The following SLCO4C1 variants were observed in gnomAD, a reference collection of about 807,000 sequenced individuals.
The protein encoded by SLCO4C1 is organic anion transporter M1.
In SLCO4C1, 58 loss-of-function variants were observed where a neutral mutation model predicts 72.1. The ratio of observed to expected loss-of-function variants is 0.80; its 90% CI spans 0.65 to 1.00. The LOEUF is 1.00. Among genes scored for constraint, SLCO4C1 ranks in the 50% least tolerant of loss-of-function variants. The pLI is 0.00. For synonymous variants in SLCO4C1, 297 were observed against 312.5 expected (o/e 0.95, Z 0.52); for missense variants, 898 against 857.9 (o/e 1.05, Z -0.58).
chr5:102,279,656 G>A (rs951616299), intron 2 of SLCO4C1, among the ~76,000 whole-genome samples: 1 of 151,792 alleles, frequency 6.6e-6, no homozygotes, highest in African/African-American at 2.4e-5. Flanking sequence ...TATGAATATA[G>A]ACACAAAAAT....
chr5:102,237,206 G>T lies in SLCO4C1; in HGVS notation c.2015-188C>A, dbSNP rs559807328. ...CATTTGTATACAATTCAAGTCACTA[G>T]TACTTATTTTCTTTCTAAGCTGTAA... On this transcript the variant is annotated intron_variant, in intron 12 of 12. Coordinates refer to ENST00000310954, the MANE Select transcript of SLCO4C1 (RefSeq NM_180991.5). 3.9e-5 allele frequency among the ~76,000 whole-genome samples: 6 copies of T among 152,222 alleles called. 1 individual carries two copies. In the South Asian group the frequency reaches 1.2e-3, roughly 32 times the overall value.
At chr5:102,264,683 C>T (rs1349380009) in intron 3 of SLCO4C1, among the ~76,000 whole-genome samples, 3 of 151,278 alleles carry the variant, frequency 2.0e-5, no homozygotes, top group Non-Finnish European at 4.4e-5. Flanking sequence ...TAATGGTTAA[C>T]TATATTCAAT....
At position 102,283,717 on chromosome 5, in the gene SLCO4C1, A is replaced by G. The variant is rs114280304; in HGVS notation, c.619+7626T>C. Among the ~76,000 whole-genome samples the G allele has an allele frequency of 1.8e-3, 267 of 152,160 alleles. 2 individuals carry two copies. The highest frequency in any genetic ancestry group is 6.1e-3 in the African/African-American group (252 of 41,554). The stretch of plus-strand genomic sequence containing the variant: ...TTCATTTTATATATTAAGATTTTTA[A>G]AAGTCCATGAAAAGAGAATTGCTAA... On this transcript the variant is annotated intron_variant, in intron 2 of 12. Coordinates refer to ENST00000310954, the MANE Select transcript of SLCO4C1 (RefSeq NM_180991.5).
chr5:102,252,719 T>G (rs1748764287), intron 8 of SLCO4C1, among the ~76,000 whole-genome samples: 1 of 152,194 alleles, frequency 6.6e-6, no homozygotes, highest in African/African-American at 2.4e-5. Context: ...ATAGCTTATA[T>G]TCCTTAATAT....
At chr5:102,239,683 G>C (rs6596425) in intron 11 of SLCO4C1, among the ~76,000 whole-genome samples, 38,220 of 151,688 alleles carry the variant, frequency 0.25, 5,551 homozygotes, top group African/African-American at 0.41. Context: ...CTAATATAAT[G>C]AATAAATATG....
intron 11 of SLCO4C1, among the ~76,000 whole-genome samples, chr5:102,239,890 T>C (rs920696431): frequency 1.3e-5 from 2 of 152,016 alleles, no homozygotes; most frequent in Non-Finnish European, 2.9e-5. Context: ...GGAATATCAC[T>C]ATCTTATATA....
intron 10 of SLCO4C1, 42 bp downstream of exon 10, chr5:102,247,210 A>T (rs777459544): frequency 7.2e-7 from 1 of 1,397,752 alleles, no homozygotes. Context: ...TTCCATCAAC[A>T]TGTTGCCTTA....
chr5:102,288,325 C>T lies in SLCO4C1; in HGVS notation c.619+3018G>A, dbSNP rs1381914063. ...CTAGTCTTCCACCTTCTAGTAAAAA[C>T]GGCCCCAGCTGATCAAGCCAAATAC... On this transcript the variant is annotated intron_variant, in intron 2 of 12. Transcript: ENST00000310954. Among the ~76,000 whole-genome samples the T allele has an allele frequency of 2.0e-5, 3 of 152,274 alleles. No individual in the cohort carries two copies. In the East Asian group the frequency reaches 5.8e-4, roughly 29 times the overall value.
intron 2 of SLCO4C1, among the ~76,000 whole-genome samples, chr5:102,280,410 C>T (rs987551443): frequency 2.6e-5 from 4 of 151,416 alleles, no homozygotes; most frequent in African/African-American, 9.7e-5. Context: ...AATATATATA[C>T]ATAACTTGCA....
intron 8 of SLCO4C1, among the ~76,000 whole-genome samples, chr5:102,252,254 C>T (rs432190): frequency 0.75 from 114,338 of 151,984 alleles, 43,070 homozygotes; most frequent in Middle Eastern, 0.84. Flanking sequence ...TAGAAGATAA[C>T]CGACACTGTG....
intron 8 of SLCO4C1, among the ~76,000 whole-genome samples, chr5:102,251,042 G>A (rs912665658): frequency 2.6e-5 from 4 of 152,016 alleles, no homozygotes; most frequent in Admixed American, 2.0e-4. Context: ...GTCAAATGGG[G>A]AAGGGGAAAC....
intron 2 of SLCO4C1, among the ~76,000 whole-genome samples, chr5:102,288,632 T>C (rs709369): frequency 0.49 from 74,447 of 152,022 alleles, 19,470 homozygotes; most frequent in African/African-American, 0.67. Flanking sequence ...CTCCCTAGTG[T>C]CTACCTGCCT....
intron 3 of SLCO4C1, among the ~76,000 whole-genome samples, chr5:102,265,794 A>G (rs1749026878): frequency 1.3e-5 from 2 of 152,042 alleles, no homozygotes; most frequent in South Asian, 2.1e-4. Context: ...GCTATTTGGC[A>G]TCTTTTCTAG....
At chr5:102,265,460 T>C (rs1749019645) in intron 3 of SLCO4C1, among the ~76,000 whole-genome samples, 1 of 152,188 alleles carries the variant, frequency 6.6e-6, no homozygotes, top group Non-Finnish European at 1.5e-5. Flanking sequence ...GAGTCTTACA[T>C]TTAAGTCTCT....
chr5:102,269,445 C>T (rs1749107899), intron 3 of SLCO4C1, among the ~76,000 whole-genome samples: 1 of 151,874 alleles, frequency 6.6e-6, no homozygotes, highest in Non-Finnish European at 1.5e-5. Flanking sequence ...TTGATCTAGT[C>T]TATTGTTAAA....
At chr5:102,293,042 G>T (rs1049917776) in intron 1 of SLCO4C1, among the ~76,000 whole-genome samples, 6 of 151,852 alleles carry the variant, frequency 4.0e-5, no homozygotes, top group Non-Finnish European at 5.9e-5. Flanking sequence ...TTTAAATTTT[G>T]ATTAAGACCG....
chr5:102,237,439 C>CAA (rs113559175), intron 12 of SLCO4C1, among the ~76,000 whole-genome samples: 65 of 145,612 alleles, frequency 4.5e-4, no homozygotes, highest in Non-Finnish European at 6.6e-4. Flanking sequence ...CTGTCTCTAC[C>CAA]AAAAAAAAAA....
intron 9 of SLCO4C1, among the ~76,000 whole-genome samples, chr5:102,248,111 C>G (rs900545596): frequency 6.6e-6 from 1 of 151,760 alleles, no homozygotes; most frequent in Non-Finnish European, 1.5e-5. Context: ...ATTTTCTATC[C>G]TAATGAAACT....
At chr5:102,285,651 A>G (rs181601317) in intron 2 of SLCO4C1, among the ~76,000 whole-genome samples, 1 of 152,260 alleles carries the variant, frequency 6.6e-6, no homozygotes, top group Non-Finnish European at 1.5e-5. Context: ...AAAAATTGTG[A>G]TAGTTTTATC....
Sources: allele counts gnomAD v4.1 joint callset (sites outside exome capture counted in the v4.1 genomes callset), GRCh38; gene constraint gnomAD v4.1.1; transcripts MANE v1.5; gene names NCBI Gene and HGNC (gene_info 2026-07-23, HGNC 2026-07-21).